RO60: variants seen among roughly 807,000 people sequenced by gnomAD.
The protein encoded by RO60 is Ro60, Y RNA binding protein.
In RO60, 20 loss-of-function variants were observed where a neutral mutation model predicts 55.3. The observed-to-expected ratio is 0.36, with a 90% CI of 0.25 to 0.53. The LOEUF (loss-of-function observed/expected upper bound fraction) is 0.53, where lower values mean the gene tolerates loss of function less well. Ranked by LOEUF, RO60 falls within the 20% of genes least tolerant of loss-of-function variation. The pLI is 0.92. For synonymous variants in RO60, 213 were observed against 213.6 expected (o/e 1.00, Z 0.02); for missense variants, 558 against 646.6 (o/e 0.86, Z 1.49).
At chr1:193,079,711 C>T (rs1355628369) in intron 5 of RO60, among the ~76,000 whole-genome samples, 2 of 151,914 alleles carry the variant, frequency 1.3e-5, no homozygotes, top group African/African-American at 4.8e-5. Flanking sequence ...ACCATATGTC[C>T]GATAAGGGCC....
intron 2 of RO60, among the ~76,000 whole-genome samples, chr1:193,070,258 C>T (rs1673395765): frequency 6.6e-6 from 1 of 152,054 alleles, no homozygotes; most frequent in Non-Finnish European, 1.5e-5. Context: ...TCCCCATCTT[C>T]CTAGGAACCC....
intron 1 of RO60, among the ~76,000 whole-genome samples, chr1:193,063,695 G>T (rs931434380): frequency 6.6e-6 from 1 of 152,172 alleles, no homozygotes; most frequent in Non-Finnish European, 1.5e-5. Context: ...GTTGGCATCA[G>T]ATCCCACAAA....
chr1:193,072,891 G>T (rs546185262), intron 2 of RO60, among the ~76,000 whole-genome samples: 126 of 152,310 alleles, frequency 8.3e-4, no homozygotes, highest in Non-Finnish European at 1.6e-3. Flanking sequence ...ATTTGAAATT[G>T]TTGAGGGCAG....
chr1:193,074,939 G>A (rs1673800830), intron 2 of RO60, among the ~76,000 whole-genome samples: 1 of 152,162 alleles, frequency 6.6e-6, no homozygotes, highest in African/African-American at 2.4e-5. Context: ...TCCAGTTTCA[G>A]CTTTCGAGAT....
rs552012025 is a variant in RO60, at chr1:193,076,497, A to G, written c.802-4A>G. 4 of 1,608,524 alleles carry G rather than the reference A, an allele frequency of 2.5e-6. No individual in the cohort carries two copies. The East Asian group carries it at 6.7e-5, about 27-fold the overall frequency. On this transcript the variant is annotated splice_polypyrimidine_tract_variant and splice_region_variant and intron_variant, in intron 3 of 8. Coordinates refer to ENST00000400968, the MANE Select transcript of RO60 (RefSeq NM_001173524.2). ...TGGTATTTCTGCCTATGTTATTGCA[A>G]TAGGTATGGAAGGCTTTGTTACAAG...
At chr1:193,060,400 C>T (rs1672487702) in intron 1 of RO60, 2 of 235,580 alleles carry the variant, frequency 8.5e-6, no homozygotes, top group East Asian at 1.1e-4. Context: ...TCAGCAGGCT[C>T]TTATAGAATA....
rs780730938 is a variant in RO60, at chr1:193,059,740, G to A, written c.-58G>A. On this transcript the variant is annotated 5_prime_UTR_variant, in exon 1 of 9. Coordinates refer to ENST00000400968, the MANE Select transcript of RO60 (RefSeq NM_001173524.2). The surrounding 1 kb of genome is among the most constrained non-coding windows in gnomAD (Gnocchi z 4.9). ...AGCGCTGCGCAGGACTTCTCCTGGC[G>A]GCGCTGCGGATCCAGGGGGTCGGCT... The A allele has an allele frequency of 4.4e-6, 6 of 1,354,284 alleles. No individual in the cohort carries two copies. In the African/African-American group the frequency reaches 8.9e-5, roughly 20 times the overall value. The allele number at this position is 1,354,284 out of a possible 1,614,324, so 83.9% of individuals were successfully genotyped here.
chr1:193,078,657 G>A (rs534007644), intron 5 of RO60, among the ~76,000 whole-genome samples: 1 of 151,702 alleles, frequency 6.6e-6, no homozygotes, highest in Non-Finnish European at 1.5e-5. Flanking sequence ...TAAAAGACAG[G>A]AGTAAATTTA....
At chr1:193,078,682 T>G (rs972516512) in intron 5 of RO60, among the ~76,000 whole-genome samples, 2 of 152,150 alleles carry the variant, frequency 1.3e-5, no homozygotes, top group African/African-American at 4.8e-5. Flanking sequence ...GCTGTAAGAC[T>G]TATACACTGA....
chr1:193,078,585 G>T (rs1228532454), intron 5 of RO60, among the ~76,000 whole-genome samples: 1 of 151,966 alleles, frequency 6.6e-6, no homozygotes. Flanking sequence ...CTATATACTA[G>T]CAATGAACAA....
At position 193,076,588 on chromosome 1, in the gene RO60, G is replaced by A; in HGVS notation, c.889G>A (p.Gly297Arg). 1 of 1,610,898 alleles carries A rather than the reference G, an allele frequency of 6.2e-7. No homozygotes were observed. The highest frequency in any genetic ancestry group is 8.5e-7 in the Non-Finnish European group (1 of 1,178,804). ...GACTGCTAATTCAGTACTTGAACCA[G>A]GAAATTCAGAAGTATCTTTAGTATG... ...KMTANSVLEP[G>R]NSEVSLVCEK... The change falls in exon 4 of 9, where the codon GGA (glycine) becomes AGA (arginine). Residue 297 changes from glycine to arginine, a missense_variant. Physicochemically the swap from Gly to Arg is moderately radical, Grantham distance 125. Transcript: ENST00000400968.
At chr1:193,079,956 G>A (rs113001613) in intron 5 of RO60, among the ~76,000 whole-genome samples, 77 of 145,398 alleles carry the variant, frequency 5.3e-4, no homozygotes, top group African/African-American at 1.4e-3. Context: ...GTGATACCCC[G>A]TCTCTAAAAA....
intron 1 of RO60, among the ~76,000 whole-genome samples, chr1:193,062,434 A>G (rs925730055): frequency 1.3e-5 from 2 of 152,280 alleles, no homozygotes; most frequent in African/African-American, 4.8e-5. Flanking sequence ...TATAGATAAT[A>G]GCAGAGTTAA....
Position 193,085,718 on chromosome 1 carries a change from T to C in RO60, c.*987T>C, listed in dbSNP as rs1558256853. 1 of 982,680 alleles carries C rather than the reference T, an allele frequency of 1.0e-6. No individual in the cohort carries two copies. The highest frequency in any genetic ancestry group is 1.2e-6 in the Non-Finnish European group (1 of 827,492). 60.9% of individuals were successfully genotyped at this position (982,680 alleles called of 1,614,324 possible). ...TTTTTTTAGTTAATATTTTTAAAAG[T>C]ATACATGTCAATGGCCTCTTTGTCC... On this transcript the variant is annotated 3_prime_UTR_variant, in exon 9 of 9. Coordinates refer to ENST00000400968, the MANE Select transcript of RO60 (RefSeq NM_001173524.2).
intron 8 of RO60, among the ~76,000 whole-genome samples, chr1:193,084,058 CAT>C (rs973763074): frequency 5.3e-5 from 8 of 152,204 alleles, no homozygotes; most frequent in African/African-American, 9.7e-5. Flanking sequence ...TGTAGTTTCT[CAT>C]GTGTATACAT....
At chr1:193,084,341 T>C (rs764907602) in intron 8 of RO60, among the ~76,000 whole-genome samples, 2 of 152,216 alleles carry the variant, frequency 1.3e-5, no homozygotes, top group Middle Eastern at 3.2e-3. Context: ...CTGCAGCCCA[T>C]AGAACAAGTA....
At chr1:193,084,451 C>T in intron 8 of RO60, 128 bp from the exon 9 acceptor site, 5 of 1,078,080 alleles carry the variant, frequency 4.6e-6, no homozygotes, top group African/African-American at 1.6e-5. Context: ...AAAGATTGAC[C>T]CCCGCAAAAA....
chr1:193,079,279 G>A (rs1457782914), intron 5 of RO60, among the ~76,000 whole-genome samples: 1 of 151,996 alleles, frequency 6.6e-6, no homozygotes, highest in Non-Finnish European at 1.5e-5. Flanking sequence ...AGTAGGGACA[G>A]GGTTTCACTG....
At chr1:193,071,160 T>A (rs915183815) in intron 2 of RO60, among the ~76,000 whole-genome samples, 31 of 152,312 alleles carry the variant, frequency 2.0e-4, no homozygotes, top group African/African-American at 6.7e-4. Flanking sequence ...CGTGCTCTTA[T>A]GAGACTAATG....
Sources: gnomAD v4.1 joint callset for allele counts (sites outside exome capture counted in the v4.1 genomes callset) on GRCh38, gnomAD v4.1.1 for gene constraint, Gnocchi (gnomAD v3.1) non-coding constraint, MANE v1.5 for transcripts, NCBI Gene and HGNC (gene_info 2026-07-23, HGNC 2026-07-21) for gene names.